KLRK1: variants seen among roughly 807,000 people sequenced by gnomAD.
The protein encoded by KLRK1 is NKG2-D type II integral membrane protein.
A neutral mutation model predicts 31.3 loss-of-function variants in KLRK1; 40 were observed. The ratio of observed to expected loss-of-function variants is 1.28; its 90% confidence interval spans 0.99 to 1.67. KLRK1 has a LOEUF of 1.67. Ranked by LOEUF, KLRK1 falls within the 40% of genes most tolerant of loss-of-function variation. The pLI, the probability that KLRK1 is intolerant of heterozygous loss-of-function variation, is 0.00. For missense variants in KLRK1, 251 were observed against 260.0 expected, an observed-to-expected ratio of 0.97 and a Z score of 0.24; for synonymous variants, 77 against 77.3, an observed-to-expected ratio of 1.00 and a Z score of 0.02.
At chr12:10,383,780 A>AT (rs1169744258) in intron 3 of KLRK1, among the ~76,000 whole-genome samples, 3 of 152,064 alleles carry the variant, frequency 2.0e-5, no homozygotes, top group African/African-American at 7.2e-5. Flanking sequence ...CCAAAAGTCA[A>AT]TATTATATCA....
chr12:10,374,622 T>C (rs1249937796), intron 7 of KLRK1, among the ~76,000 whole-genome samples: 1 of 149,084 alleles, frequency 6.7e-6, no homozygotes, highest in Non-Finnish European at 1.5e-5. Context: ...CTTGAACTCC[T>C]GACCTCAGGT....
At chr12:10,376,276 AAC>A (rs1401950579) in intron 7 of KLRK1, among the ~76,000 whole-genome samples, 3 of 140,878 alleles carry the variant, frequency 2.1e-5, no homozygotes, top group Admixed American at 7.6e-5. Flanking sequence ...CATTTTTAAA[AAC>A]ACACTATAGT....
intron 7 of KLRK1, among the ~76,000 whole-genome samples, chr12:10,374,739 T>A (rs1326835848): frequency 6.6e-6 from 1 of 151,872 alleles, no homozygotes; most frequent in Non-Finnish European, 1.5e-5. Flanking sequence ...TGTTTTTTCA[T>A]ACTACTTTCA....
chr12:10,374,649 G>A lies in KLRK1; in HGVS notation c.534-1418C>T, dbSNP rs184120558. Among the ~76,000 whole-genome samples the A allele has an allele frequency of 1.7e-3, 262 of 152,176 alleles. 1 individual carries two copies. Among genetic ancestry groups the A allele is most frequent in the Non-Finnish European group, 9.9e-4 (67 of 67,992 alleles). ...ACCTCAGGTCCTCCCAAAGTGCTGG[G>A]ATCACAGGCGTGAGCCACTGCACCC... is the stretch of plus-strand genomic sequence containing the variant. On this transcript the variant is annotated intron_variant, in intron 7 of 7. Coordinates refer to ENST00000240618, the MANE Select transcript of KLRK1 (RefSeq NM_007360.4).
chr12:10,387,575 CTTTT>C (rs778380250), intron 2 of KLRK1, among the ~76,000 whole-genome samples: 1 of 142,822 alleles, frequency 7.0e-6, no homozygotes. Context: ...TTCTTCTTTT[CTTTT>C]TTTTTTTTTG....
chr12:10,388,274 T>TA (rs1470249842), intron 2 of KLRK1, among the ~76,000 whole-genome samples: 1 of 152,202 alleles, frequency 6.6e-6, no homozygotes, highest in African/African-American at 2.4e-5. Flanking sequence ...GCTTATTTAA[T>TA]ATAATGTTAC....
chr12:10,379,500 A>G lies in KLRK1; in HGVS notation c.242-18T>C. Reference sequence around the variant, plus strand: ...GAATAATGCTATTAAAATAACCATAAGTATTAAAAGTTTGTATTGTTAGTA... The same window carrying G: ...GAATAATGCTATTAAAATAACCATAGGTATTAAAAGTTTGTATTGTTAGTA... On this transcript the variant is annotated intron_variant, in intron 4 of 7. Transcript: ENST00000240618. 6.9e-7 allele frequency: 1 copy of G among 1,444,010 alleles called. No individual in the cohort carries two copies. The highest frequency in any genetic ancestry group is 1.3e-5 in the South Asian group (1 of 75,068). The allele number at this position is 1,444,010 out of a possible 1,614,324, so 89.4% of individuals were successfully genotyped here. A position where few individuals can be genotyped will look rare whatever the true frequency, so the allele number is the denominator to read the frequency against.
intron 3 of KLRK1, chr12:10,382,210 A>G (rs1203375335): frequency 6.6e-6 from 1 of 152,302 alleles, no homozygotes; most frequent in South Asian, 2.1e-4. Context: ...TTCCAAACCC[A>G]GAGAAAGATA....
intron 7 of KLRK1, among the ~76,000 whole-genome samples, chr12:10,376,886 G>A (rs1478357744): frequency 6.6e-6 from 1 of 151,816 alleles, no homozygotes; most frequent in Non-Finnish European, 1.5e-5. Flanking sequence ...GCGCAATCTC[G>A]GCTCACTGCA....
At chr12:10,386,872 TGA>T in intron 3 of KLRK1, 29 bp downstream of exon 3, 1 of 1,561,406 alleles carries the variant, frequency 6.4e-7, no homozygotes, top group Non-Finnish European at 8.7e-7. Context: ...TTCAATATAC[TGA>T]GAGTAGACAA....
chr12:10,385,154 G>C (rs1232072355), intron 3 of KLRK1, among the ~76,000 whole-genome samples: 3 of 151,962 alleles, frequency 2.0e-5, no homozygotes, highest in Admixed American at 6.6e-5. Context: ...ATGTAAATTA[G>C]TATAGCCATT....
At position 10,372,460 on chromosome 12, in the gene KLRK1, CA is replaced by C. The variant is rs1222798290; in HGVS notation, c.*653del. ...TTCCAAAATACAATAGTGGGACAAACATAGGATGGATATTACTATTCCAAAA... is the reference window on the plus strand; with the variant it reads ...TTCCAAAATACAATAGTGGGACAAACTAGGATGGATATTACTATTCCAAAA... On this transcript the variant is annotated 3_prime_UTR_variant, in exon 8 of 8. Coordinates refer to ENST00000240618, the MANE Select transcript of KLRK1 (RefSeq NM_007360.4). 1 of 152,342 alleles carries C rather than the reference CA, an allele frequency of 6.6e-6. No homozygotes were observed. The highest frequency in any genetic ancestry group is 1.5e-5 in the Non-Finnish European group (1 of 68,124). 9.4% of individuals were successfully genotyped at this position (152,342 alleles called of 1,614,324 possible).
intron 7 of KLRK1, among the ~76,000 whole-genome samples, chr12:10,374,928 AAGTT>A (rs965356479): frequency 2.0e-5 from 3 of 152,234 alleles, no homozygotes; most frequent in African/African-American, 7.2e-5. Context: ...CATAAACAGA[AAGTT>A]AGTATGCTAG....
chr12:10,373,695 AGT>A (rs10537864), intron 7 of KLRK1, among the ~76,000 whole-genome samples: 100,855 of 146,902 alleles, frequency 0.69, 36,259 homozygotes, highest in Non-Finnish European at 0.81. Flanking sequence ...AGTGTGTATA[AGT>A]GTGTGTGTGT....
intron 3 of KLRK1, among the ~76,000 whole-genome samples, chr12:10,382,696 T>C (rs1384887189): frequency 6.6e-6 from 1 of 152,160 alleles, no homozygotes; most frequent in African/African-American, 2.4e-5. Flanking sequence ...ATTCAGAATA[T>C]TCTAATACTG....
Position 10,386,970 on chromosome 12 carries a change from C to G in KLRK1, c.81G>C (p.Lys27Asn). Residue 27 changes from lysine (K) to asparagine (N), a missense_variant, in exon 3 of 8, where the codon AAG (lysine) becomes AAC (asparagine). By Grantham distance (94) the Lys-to-Asn change is moderately conservative. Coordinates refer to ENST00000240618, the MANE Select transcript of KLRK1 (RefSeq NM_007360.4). ...EFHNYNLDLK[K>N]SDFSTRWQKQ... Reference sequence around the variant, plus strand: ...TTTGCCATCGTGTTGAAAAATCACTCTTCTTCAGATCCAAGTTATAATTAT... The same window carrying G: ...TTTGCCATCGTGTTGAAAAATCACTGTTCTTCAGATCCAAGTTATAATTAT... 1 of 1,611,612 alleles carries G rather than the reference C, an allele frequency of 6.2e-7. No homozygotes were observed. Among genetic ancestry groups the G allele is most frequent in the Non-Finnish European group, 8.5e-7 (1 of 1,178,830 alleles).
intron 3 of KLRK1, among the ~76,000 whole-genome samples, chr12:10,383,388 GTA>G (rs1863112937): frequency 6.6e-6 from 1 of 151,964 alleles, no homozygotes; most frequent in African/African-American, 2.4e-5. Context: ...GTCAAAAAGA[GTA>G]AAAAAGAGTC....
intron 7 of KLRK1, among the ~76,000 whole-genome samples, chr12:10,376,810 C>CTTAT (rs57195493): frequency 0.63 from 93,639 of 149,662 alleles, 30,744 homozygotes; most frequent in South Asian, 0.81. Context: ...CTGAAATTTA[C>CTTAT]TTATTTATTT....
intron 2 of KLRK1, among the ~76,000 whole-genome samples, chr12:10,388,080 G>A (rs1863200842): frequency 6.6e-6 from 1 of 152,056 alleles, no homozygotes; most frequent in Non-Finnish European, 1.5e-5. Flanking sequence ...TTCATGTCAC[G>A]GGGGTTTGTT....
Sources: gnomAD v4.1 joint callset for allele counts (sites outside exome capture counted in the v4.1 genomes callset) on GRCh38, gnomAD v4.1.1 for gene constraint, MANE v1.5 for transcripts, NCBI Gene and HGNC (gene_info 2026-07-23, HGNC 2026-07-21) for gene names.